Variants in PPP3CA observed in about 807,000 individuals in gnomAD.
The protein encoded by PPP3CA is CAM-PRP catalytic subunit.
A neutral mutation model predicts 66.5 loss-of-function variants in PPP3CA; 14 were observed. That is an observed-to-expected ratio of 0.21 (90% CI 0.14 to 0.33). PPP3CA has a LOEUF of 0.33. PPP3CA is among the 10% of genes least tolerant of loss of function. The pLI is 1.00. For synonymous variants in PPP3CA, 232 were observed against 226.2 expected, an observed-to-expected ratio of 1.03 and a Z score of -0.23; for missense variants, 317 against 639.5, an observed-to-expected ratio of 0.50 and a Z score of 5.44.
At chr4:101,248,001 A>C (rs1314656650) in intron 1 of PPP3CA, among the ~76,000 whole-genome samples, 1 of 152,196 alleles carries the variant, frequency 6.6e-6, no homozygotes, top group African/African-American at 2.4e-5. Context: ...GTCCCAAGAG[A>C]GTAGGTGTTT....
At chr4:101,269,081 C>T (rs769067985) in intron 1 of PPP3CA, among the ~76,000 whole-genome samples, 5 of 152,038 alleles carry the variant, frequency 3.3e-5, no homozygotes, top group Non-Finnish European at 7.4e-5. Context: ...CAATGTTGTT[C>T]CCTGTCTTCA....
At chr4:101,261,354 A>G (rs1345123779) in intron 1 of PPP3CA, among the ~76,000 whole-genome samples, 1 of 152,114 alleles carries the variant, frequency 6.6e-6, no homozygotes, top group Admixed American at 6.6e-5. Flanking sequence ...AGAAGGCAAC[A>G]TATCTAGCAC....
At chr4:101,039,382 T>C (rs1560573802) in intron 11 of PPP3CA, among the ~76,000 whole-genome samples, 1 of 145,268 alleles carries the variant, frequency 6.9e-6, no homozygotes, top group Non-Finnish European at 1.5e-5. Flanking sequence ...GCTTTAAGTT[T>C]CACTATATTT....
intron 6 of PPP3CA, among the ~76,000 whole-genome samples, chr4:101,087,593 C>T (rs1371251268): frequency 1.3e-5 from 2 of 152,170 alleles, no homozygotes; most frequent in Middle Eastern, 6.8e-3. Flanking sequence ...CTATCGGCTT[C>T]TTTCACTCGT....
intron 2 of PPP3CA, among the ~76,000 whole-genome samples, chr4:101,117,931 A>G (rs1354512758): frequency 6.6e-6 from 1 of 151,926 alleles, no homozygotes; most frequent in Admixed American, 6.6e-5. Flanking sequence ...GTACATATAA[A>G]CTACATATAA....
intron 2 of PPP3CA, among the ~76,000 whole-genome samples, chr4:101,124,169 G>A (rs1722123254): frequency 6.6e-6 from 1 of 151,906 alleles, no homozygotes; most frequent in African/African-American, 2.4e-5. Context: ...CTAGGTAATG[G>A]GTAACTGATG....
chr4:101,285,539 A>G (rs566976612), intron 1 of PPP3CA, among the ~76,000 whole-genome samples: 64 of 152,042 alleles, frequency 4.2e-4, no homozygotes, highest in African/African-American at 1.1e-3. Flanking sequence ...AAAGAGATAC[A>G]TTTCAAAGAA....
intron 2 of PPP3CA, among the ~76,000 whole-genome samples, chr4:101,192,661 T>C (rs1424819985): frequency 1.3e-5 from 2 of 152,206 alleles, no homozygotes; most frequent in African/African-American, 2.4e-5. Flanking sequence ...CTTTTTCACA[T>C]AGTACAATTG....
intron 1 of PPP3CA, among the ~76,000 whole-genome samples, chr4:101,310,846 AC>A (rs1728699116): frequency 6.6e-6 from 1 of 152,228 alleles, no homozygotes; most frequent in African/African-American, 2.4e-5. Context: ...CTATAAATGT[AC>A]TTGGCAATTC....
intron 10 of PPP3CA, among the ~76,000 whole-genome samples, chr4:101,057,087 C>T (rs1416332187): frequency 8.6e-5 from 13 of 151,096 alleles, no homozygotes; most frequent in Non-Finnish European, 1.8e-4. Flanking sequence ...ATCAGTCTCA[C>T]TGTGTCACCC....
intron 1 of PPP3CA, among the ~76,000 whole-genome samples, chr4:101,274,507 T>C (rs920538442): frequency 1.3e-5 from 2 of 152,246 alleles, no homozygotes; most frequent in African/African-American, 4.8e-5. Flanking sequence ...TAGTAATTTA[T>C]GGCAAACTTA....
At chr4:101,118,726 T>G (rs1388299471) in intron 2 of PPP3CA, among the ~76,000 whole-genome samples, 3 of 152,040 alleles carry the variant, frequency 2.0e-5, no homozygotes, top group African/African-American at 7.2e-5. Context: ...TTTAAATTAC[T>G]TTCTTATTCA....
intron 5 of PPP3CA, among the ~76,000 whole-genome samples, chr4:101,095,993 T>C (rs1730180477): frequency 6.6e-6 from 1 of 152,138 alleles, no homozygotes; most frequent in African/African-American, 2.4e-5. Context: ...ACATCTCTAC[T>C]GTACTTTAAA....
At chr4:101,174,094 C>A (rs975674509) in intron 2 of PPP3CA, among the ~76,000 whole-genome samples, 3 of 151,704 alleles carry the variant, frequency 2.0e-5, no homozygotes, top group African/African-American at 7.3e-5. Flanking sequence ...CTACGCCCCC[C>A]CCACCCCGCC....
chr4:101,319,727 A>T (rs1728982997), intron 1 of PPP3CA, among the ~76,000 whole-genome samples: 1 of 152,216 alleles, frequency 6.6e-6, no homozygotes, highest in Admixed American at 6.5e-5. Flanking sequence ...GAACAGAAGT[A>T]TAATGGTATC....
chr4:101,234,348 C>G (rs1043978842), intron 1 of PPP3CA, among the ~76,000 whole-genome samples: 1 of 151,840 alleles, frequency 6.6e-6, no homozygotes, highest in Non-Finnish European at 1.5e-5. Flanking sequence ...ACACTCCCAC[C>G]AACAATGTAT....
intron 1 of PPP3CA, among the ~76,000 whole-genome samples, chr4:101,331,574 T>G (rs1729388682): frequency 6.6e-6 from 1 of 152,138 alleles, no homozygotes; most frequent in Admixed American, 6.6e-5. Context: ...CACAGACAGC[T>G]GGTAAGGGTT....
chr4:101,054,044 C>T (rs1482602742), intron 10 of PPP3CA, among the ~76,000 whole-genome samples: 1 of 152,020 alleles, frequency 6.6e-6, no homozygotes, highest in African/African-American at 2.4e-5. Flanking sequence ...TTAGGTTAGG[C>T]TTCAATGTTG....
intron 2 of PPP3CA, 66 bp downstream of exon 2, chr4:101,195,850 T>A (rs1674958206): frequency 7.0e-7 from 1 of 1,436,044 alleles, no homozygotes; most frequent in African/African-American, 1.4e-5. Context: ...AACTAGGACT[T>A]TTGATTTCAT....
Sources: gnomAD v4.1 joint callset for allele counts (sites outside exome capture counted in the v4.1 genomes callset) on GRCh38, gnomAD v4.1.1 for gene constraint, MANE v1.5 for transcripts, NCBI Gene and HGNC (gene_info 2026-07-23, HGNC 2026-07-21) for gene names.